Variants in MTUS2 observed in about 807,000 individuals in gnomAD.
The protein encoded by MTUS2 is microtubule-associated tumor suppressor candidate 2.
Under a neutral mutation model 114.1 loss-of-function variants are expected in MTUS2, and 40 were observed. The observed-to-expected ratio is 0.35, with a 90% CI of 0.27 to 0.46. MTUS2 has a LOEUF of 0.46. Among genes scored for constraint, MTUS2 ranks in the 20% least tolerant of loss-of-function variants. The pLI is 1.00. For synonymous variants in MTUS2, 688 were observed against 672.0 expected, an observed-to-expected ratio of 1.02 and a Z score of -0.37; for missense variants, 1,679 against 1,705.4, an observed-to-expected ratio of 0.98 and a Z score of 0.27.
In MTUS2 at chr13:29,133,905, T is replaced by C. The variant is rs181512144; in HGVS notation, c.2644+32935T>C. ...CCTTCCTGTACTCTGCTCTACCCTTTACTGTTTCCTTCCTGTATTAGTTTT... is the reference window on the plus strand; with the variant it reads ...CCTTCCTGTACTCTGCTCTACCCTTCACTGTTTCCTTCCTGTATTAGTTTT... On this transcript the variant is annotated intron_variant, in intron 5 of 15. Transcript: ENST00000612955. 4.8e-4 allele frequency among the ~76,000 whole-genome samples: 73 copies of C among 152,342 alleles called. 2 individuals carry two copies. The East Asian group carries it at 0.013, about 27-fold the overall frequency.
intron 5 of MTUS2, among the ~76,000 whole-genome samples, chr13:29,166,088 G>GA (rs1323294912): frequency 6.6e-6 from 1 of 152,160 alleles, no homozygotes; most frequent in Non-Finnish European, 1.5e-5. Flanking sequence ...AGCTACTGGT[G>GA]AAAACAGAAC....
At chr13:29,320,049 T>G (rs1900189303) in intron 6 of MTUS2, among the ~76,000 whole-genome samples, 1 of 152,186 alleles carries the variant, frequency 6.6e-6, no homozygotes, top group Non-Finnish European at 1.5e-5. Context: ...CCTATCAATG[T>G]TACCTTATAG....
At chr13:28,949,968 C>G (rs190368997) in intron 2 of MTUS2, among the ~76,000 whole-genome samples, 68 of 152,306 alleles carry the variant, frequency 4.5e-4, no homozygotes, top group African/African-American at 1.5e-3. Context: ...ATGTATCCAA[C>G]CCAGAAGGGG....
Position 28,960,212 on chromosome 13 carries a change from TA to T in MTUS2, c.-242-64239del, listed in dbSNP as rs201009283. On this transcript the variant is annotated intron_variant, in intron 2 of 15. Transcript: ENST00000612955. ...ATCACACCCACTAGGATGGCTATAA[TA>T]AAAAAGACAGGTGATAAGAATGTTG... Among the ~76,000 whole-genome samples the T allele has an allele frequency of 1.8e-3, 268 of 152,182 alleles. 1 individual carries two copies. Among genetic ancestry groups the T allele is most frequent in the African/African-American group, 5.9e-3 (246 of 41,522 alleles).
In MTUS2 at chr13:29,479,117, A is replaced by G. The variant is rs138294486; in HGVS notation, c.3185-1033A>G. On this transcript the variant is annotated intron_variant, in intron 9 of 15. Transcript: ENST00000612955. ...AGTAACCACCACTAGGGTGTGGATTACAGCTAATCAGCACCTGTACCTGCT... is the reference window on the plus strand; with the variant it reads ...AGTAACCACCACTAGGGTGTGGATTGCAGCTAATCAGCACCTGTACCTGCT... Among the ~76,000 whole-genome samples the G allele has an allele frequency of 3.8e-3, 577 of 152,316 alleles. 4 individuals are homozygous for G. The highest frequency in any genetic ancestry group is 0.013 in the African/African-American group (542 of 41,566).
chr13:29,451,295 A>C (rs1427527281), intron 9 of MTUS2, among the ~76,000 whole-genome samples: 1 of 152,234 alleles, frequency 6.6e-6, no homozygotes. Context: ...TGAAAAAAAA[A>C]CCTCCAAACA....
intron 7 of MTUS2, among the ~76,000 whole-genome samples, chr13:29,349,186 C>T (rs549433726): frequency 1.3e-5 from 2 of 151,544 alleles, no homozygotes; most frequent in South Asian, 2.1e-4. Context: ...AGCTATCTGT[C>T]TCTTATTTTT....
intron 5 of MTUS2, among the ~76,000 whole-genome samples, chr13:29,223,442 C>T (rs1895986182): frequency 6.6e-6 from 1 of 152,104 alleles, no homozygotes; most frequent in Non-Finnish European, 1.5e-5. Flanking sequence ...GCTGAGTAGA[C>T]TTCAGGACAA....
At chr13:28,907,994 C>G (rs1880155246) in intron 2 of MTUS2, among the ~76,000 whole-genome samples, 1 of 151,216 alleles carries the variant, frequency 6.6e-6, no homozygotes, top group South Asian at 2.1e-4. Flanking sequence ...CAAGATTTTT[C>G]TTTGTATTTA....
intron 5 of MTUS2, among the ~76,000 whole-genome samples, chr13:29,149,658 A>G (rs1025160352): frequency 5.3e-5 from 8 of 152,150 alleles, no homozygotes; most frequent in Non-Finnish European, 1.0e-4. Flanking sequence ...TTTCAGTTTT[A>G]CATTTAAGTC....
chr13:29,503,451 G>C lies in MTUS2; in HGVS notation c.*245G>C. 1.7e-6 allele frequency: 1 copy of C among 584,422 alleles called. No individual in the cohort carries two copies. The highest frequency in any genetic ancestry group is 2.1e-5 in the South Asian group (1 of 47,818). The allele number at this position is 584,422 out of a possible 1,614,324, so 36.2% of individuals were successfully genotyped here. On this transcript the variant is annotated 3_prime_UTR_variant, in exon 16 of 16. Transcript: ENST00000612955. Reference sequence around the variant, plus strand: ...AGTTAGAGCCAAAAGAAAGACACTTGCAATTGTTCTTGAGCAATGAACTTT... The same window carrying C: ...AGTTAGAGCCAAAAGAAAGACACTTCCAATTGTTCTTGAGCAATGAACTTT...
At chr13:28,825,022 G>C (rs985059280) in intron 1 of MTUS2, among the ~76,000 whole-genome samples, 1 of 152,200 alleles carries the variant, frequency 6.6e-6, no homozygotes, top group Non-Finnish European at 1.5e-5. Flanking sequence ...TTTGTGGGGA[G>C]CACAGGGAGG....
chr13:29,462,328 G>A (rs1392828672), intron 9 of MTUS2, among the ~76,000 whole-genome samples: 2 of 152,172 alleles, frequency 1.3e-5, no homozygotes, highest in Admixed American at 6.5e-5. Flanking sequence ...AGGACTTGGC[G>A]TTGACCTGAG....
chr13:28,957,693 G>T lies in MTUS2; in HGVS notation c.-242-66764G>T, dbSNP rs74652293. Among the ~76,000 whole-genome samples, 728 of 151,532 alleles carry T rather than the reference G, an allele frequency of 4.8e-3. 9 individuals are homozygous for T. Among genetic ancestry groups the T allele is most frequent in the African/African-American group, 0.017 (685 of 41,406 alleles). On this transcript the variant is annotated intron_variant, in intron 2 of 15. Coordinates refer to ENST00000612955, the MANE Select transcript of MTUS2 (RefSeq NM_001033602.4). Reference sequence around the variant, plus strand: ...CAGATTTTTGTATCTGGAGGGGGGGGTCCTGGGACCAATGCCCTGTGGATA... The same window carrying T: ...CAGATTTTTGTATCTGGAGGGGGGGTTCCTGGGACCAATGCCCTGTGGATA...
chr13:29,079,833 C>T (rs139617006), intron 4 of MTUS2, among the ~76,000 whole-genome samples: 1 of 152,082 alleles, frequency 6.6e-6, no homozygotes, highest in Non-Finnish European at 1.5e-5. Flanking sequence ...AGTATGAGCC[C>T]TCCAACTTTG....
intron 6 of MTUS2, among the ~76,000 whole-genome samples, chr13:29,293,623 A>G (rs1898810323): frequency 2.0e-5 from 3 of 152,094 alleles, no homozygotes; most frequent in African/African-American, 7.2e-5. Flanking sequence ...ATAATGATAT[A>G]TGTGCAGGAA....
chr13:28,954,270 A>G (rs1274344875), intron 2 of MTUS2, among the ~76,000 whole-genome samples: 1 of 152,168 alleles, frequency 6.6e-6, no homozygotes, highest in Non-Finnish European at 1.5e-5. Flanking sequence ...GGTGTATTTC[A>G]GTGACTGTGA....
At chr13:28,865,093 G>C (rs1192820009) in intron 2 of MTUS2, among the ~76,000 whole-genome samples, 1 of 152,122 alleles carries the variant, frequency 6.6e-6, no homozygotes, top group East Asian at 1.9e-4. Flanking sequence ...GTGTGTGTCT[G>C]TATGTATGTG....
chr13:29,384,200 A>G (rs552080341), intron 8 of MTUS2, among the ~76,000 whole-genome samples: 104 of 152,362 alleles, frequency 6.8e-4, no homozygotes, highest in Non-Finnish European at 1.2e-3. Flanking sequence ...ATAGTCTTCT[A>G]TGGGAAGAAA....
Sources: gnomAD v4.1 joint callset for allele counts (sites outside exome capture counted in the v4.1 genomes callset) on GRCh38, gnomAD v4.1.1 for gene constraint, MANE v1.5 for transcripts, NCBI Gene and HGNC (gene_info 2026-07-23, HGNC 2026-07-21) for gene names.